Variants in ATF7IP observed in about 807,000 individuals in gnomAD.
ATF7IP encodes the protein activating transcription factor 7-interacting protein 1.
In ATF7IP, 23 loss-of-function variants were observed where a neutral mutation model predicts 106.4. That is an observed-to-expected ratio of 0.22 (90% CI 0.16 to 0.31). The LOEUF is 0.31. Ranked by LOEUF, ATF7IP falls within the 10% of genes least tolerant of loss-of-function variation. ATF7IP has a pLI of 1.00. For missense variants in ATF7IP, 1,334 were observed against 1,524.3 expected, an observed-to-expected ratio of 0.88 and a Z score of 2.08; for synonymous variants, 542 against 539.0, an observed-to-expected ratio of 1.01 and a Z score of -0.08.
chr12:14,406,453 T>G (rs1648581440), intron 1 of ATF7IP, among the ~76,000 whole-genome samples: 2 of 152,128 alleles, frequency 1.3e-5, no homozygotes, highest in African/African-American at 4.8e-5. Context: ...TTTTCACTAG[T>G]TGTGACTCAT....
chr12:14,384,078 T>C (rs1939111367), intron 1 of ATF7IP, among the ~76,000 whole-genome samples: 2 of 152,322 alleles, frequency 1.3e-5, no homozygotes, highest in East Asian at 1.9e-4. Flanking sequence ...TATACTGAAA[T>C]AGAATGAGAT....
At chr12:14,375,916 C>G (rs1021499104) in intron 1 of ATF7IP, among the ~76,000 whole-genome samples, 1 of 152,058 alleles carries the variant, frequency 6.6e-6, no homozygotes, top group African/African-American at 2.4e-5. Context: ...AATGTAAATG[C>G]ATTTAAAAAG....
At chr12:14,496,562 G>A (rs533660310) in intron 14 of ATF7IP, among the ~76,000 whole-genome samples, 19 of 152,288 alleles carry the variant, frequency 1.2e-4, no homozygotes, top group African/African-American at 4.6e-4. Flanking sequence ...GTGGTGTACA[G>A]TGTACAAAAA....
At chr12:14,407,514 C>A (rs1362362899) in intron 1 of ATF7IP, among the ~76,000 whole-genome samples, 2 of 151,944 alleles carry the variant, frequency 1.3e-5, no homozygotes, top group Non-Finnish European at 2.9e-5. Flanking sequence ...AAATCCACTC[C>A]ATAATAAATT....
intron 2 of ATF7IP, among the ~76,000 whole-genome samples, chr12:14,427,112 T>G (rs976303570): frequency 2.7e-5 from 4 of 150,820 alleles, no homozygotes; most frequent in Non-Finnish European, 4.4e-5. Context: ...ATAACAGAGG[T>G]TTTTTTTGTT....
At chr12:14,445,396 T>C (rs2136658314) in intron 5 of ATF7IP, among the ~76,000 whole-genome samples, 1 of 152,142 alleles carries the variant, frequency 6.6e-6, no homozygotes, top group East Asian at 1.9e-4. Context: ...TTTCTTTCTT[T>C]TTTTTTTGAG....
At chr12:14,370,402 T>A (rs1938485131) in intron 1 of ATF7IP, among the ~76,000 whole-genome samples, 1 of 152,214 alleles carries the variant, frequency 6.6e-6, no homozygotes, top group African/African-American at 2.4e-5. Flanking sequence ...AATTTAAATA[T>A]GTGTTTGTAG....
intron 10 of ATF7IP, among the ~76,000 whole-genome samples, chr12:14,469,169 G>A (rs1172203984): frequency 6.6e-6 from 1 of 151,956 alleles, no homozygotes; most frequent in Non-Finnish European, 1.5e-5. Flanking sequence ...TCAGGAGTTC[G>A]AGACCAGGCT....
chr12:14,444,517 G>A (rs796228612), intron 5 of ATF7IP, among the ~76,000 whole-genome samples: 8 of 151,950 alleles, frequency 5.3e-5, no homozygotes, highest in African/African-American at 1.4e-4. Context: ...AAAATGACTT[G>A]TTTATTCATT....
intron 13 of ATF7IP, chr12:14,482,296 A>C (rs955224701): frequency 3.2e-5 from 5 of 154,456 alleles, no homozygotes; most frequent in African/African-American, 1.2e-4. Context: ...TAACAGGATA[A>C]ATAGATATAT....
At chr12:14,404,539 A>G (rs1188502498) in intron 1 of ATF7IP, among the ~76,000 whole-genome samples, 1 of 152,174 alleles carries the variant, frequency 6.6e-6, no homozygotes, top group African/African-American at 2.4e-5. Context: ...TATATTTCAC[A>G]TGGAAAGCTT....
At chr12:14,366,565 G>A (rs1048986044) in intron 1 of ATF7IP, among the ~76,000 whole-genome samples, 1 of 152,150 alleles carries the variant, frequency 6.6e-6, no homozygotes, top group Non-Finnish European at 1.5e-5. Flanking sequence ...TTAAATGTTT[G>A]ATCCTAAGTA....
chr12:14,369,298 TGCC>T (rs930689147), intron 1 of ATF7IP: 9 of 152,154 alleles, frequency 5.9e-5, no homozygotes, highest in African/African-American at 2.2e-4. Context: ...AGCACTTGTC[TGCC>T]CAGAAAATAT....
At chr12:14,422,579 AG>A (rs1422835836) in intron 1 of ATF7IP, among the ~76,000 whole-genome samples, 2 of 152,132 alleles carry the variant, frequency 1.3e-5, no homozygotes, top group Non-Finnish European at 2.9e-5. Context: ...TTCCAACCCT[AG>A]GTAGTCACTG....
At chr12:14,425,677 G>C (rs1018637864) in intron 2 of ATF7IP, among the ~76,000 whole-genome samples, 1 of 152,008 alleles carries the variant, frequency 6.6e-6, no homozygotes, top group African/African-American at 2.4e-5. Flanking sequence ...TACTAAGAAG[G>C]GAGATAAAAT....
intron 2 of ATF7IP, among the ~76,000 whole-genome samples, chr12:14,427,365 CTT>C (rs879724150): frequency 1.4e-5 from 2 of 145,046 alleles, no homozygotes; most frequent in Admixed American, 6.9e-5. Flanking sequence ...GAGTCTAATT[CTT>C]TTTTTTTTTT....
Position 14,461,015 on chromosome 12 carries a change from C to T in ATF7IP, c.2679C>T (p.Gly893=). The T allele has an allele frequency of 6.2e-7, 1 of 1,614,116 alleles. No individual in the cohort carries two copies. Residue 893 remains glycine (G), a synonymous_variant, in exon 9 of 15, where the codon GGC becomes GGT. Coordinates refer to ENST00000261168, the MANE Select transcript of ATF7IP (RefSeq NM_018179.5). ...CAAGGACTTCTTTACCCACAGTGGG[C>T]CCATCAGGACTCTATAGTCCATCAA... ...QATRTSLPTV[G]PSGLYSPSTN...
At chr12:14,401,269 C>G (rs958368545) in intron 1 of ATF7IP, among the ~76,000 whole-genome samples, 1 of 124,930 alleles carries the variant, frequency 8.0e-6, no homozygotes, top group African/African-American at 3.4e-5. Context: ...GATCTCGGCT[C>G]ACTGCAACCT....
intron 2 of ATF7IP, among the ~76,000 whole-genome samples, chr12:14,427,558 G>A (rs1941921735): frequency 1.3e-5 from 2 of 151,998 alleles, no homozygotes; most frequent in South Asian, 4.2e-4. Flanking sequence ...TAGAGTCGGG[G>A]TTTCATCATG....
Sources: allele counts gnomAD v4.1 joint callset (sites outside exome capture counted in the v4.1 genomes callset), GRCh38; gene constraint gnomAD v4.1.1; transcripts MANE v1.5; gene names NCBI Gene and HGNC (gene_info 2026-07-23, HGNC 2026-07-21).